PCDH15: variants seen among roughly 807,000 people sequenced by gnomAD.
PCDH15 encodes the protein protocadherin related 15.
A neutral mutation model predicts 178.5 loss-of-function variants in PCDH15; 129 were observed. That is an observed-to-expected ratio of 0.72 (90% CI 0.63 to 0.84). The LOEUF is 0.84. Among genes scored for constraint, PCDH15 ranks in the 40% least tolerant of loss-of-function variants. The pLI is 0.00. For synonymous variants in PCDH15, 800 were observed against 732.0 expected, an observed-to-expected ratio of 1.09 and a Z score of -1.50; for missense variants, 2,230 against 2,099.9, an observed-to-expected ratio of 1.06 and a Z score of -1.21.
At chr10:54,736,673 G>A (rs780765731) in intron 1 of PCDH15, among the ~76,000 whole-genome samples, 41 of 152,000 alleles carry the variant, frequency 2.7e-4, no homozygotes, top group Admixed American at 2.6e-4. Flanking sequence ...TAGTAGTTAC[G>A]TAGGTCTGAA....
chr10:55,148,562 C>T (rs1767409248), intron 2 of PCDH15, among the ~76,000 whole-genome samples: 1 of 151,740 alleles, frequency 6.6e-6, no homozygotes, highest in Admixed American at 6.6e-5. Context: ...ATGATTTCAT[C>T]GTGGCTGGTT....
At chr10:54,407,709 T>A (rs1170771563) in intron 3 of PCDH15, among the ~76,000 whole-genome samples, 1 of 152,086 alleles carries the variant, frequency 6.6e-6, no homozygotes, top group Non-Finnish European at 1.5e-5. Context: ...CGTGCTTCAC[T>A]ATTTTTTGCT....
intron 3 of PCDH15, among the ~76,000 whole-genome samples, chr10:54,502,291 C>G (rs2080767128): frequency 6.6e-6 from 1 of 152,092 alleles, no homozygotes; most frequent in African/African-American, 2.4e-5. Flanking sequence ...CATAAAGAGA[C>G]TATAATCAGT....
chr10:55,503,788 G>T (rs1840705241), intron 2 of PCDH15, among the ~76,000 whole-genome samples: 1 of 151,416 alleles, frequency 6.6e-6, no homozygotes. Flanking sequence ...TTGTCAAGGA[G>T]TAAAAGGAAT....
chr10:54,281,036 C>T lies in PCDH15; in HGVS notation c.876+36235G>A, dbSNP rs889706027. On this transcript the variant is annotated intron_variant, in intron 8 of 37. Transcript: ENST00000644397. ...ATACACAGAAATGTATATGTATACA[C>T]ACATATATATTCATAAATTATTGAA... 4.6e-5 allele frequency among the ~76,000 whole-genome samples: 7 copies of T among 151,896 alleles called. No individual in the cohort carries two copies. The South Asian group carries it at 1.5e-3, about 32-fold the overall frequency.
Position 55,196,919 on chromosome 10 carries a change from A to G in PCDH15, c.-155-30268T>C, listed in dbSNP as rs188620494. On this transcript the variant is annotated intron_variant, in intron 1 of 5. Transcript: ENST00000458638. Reference sequence around the variant, plus strand: ...CAAAAAAATACTGTGCCATGGTTATATTGGAGAAAGAATTTTTAAAAATTA... The same window carrying G: ...CAAAAAAATACTGTGCCATGGTTATGTTGGAGAAAGAATTTTTAAAAATTA... Among the ~76,000 whole-genome samples the G allele has an allele frequency of 1.7e-3, 261 of 152,154 alleles. 2 individuals carry two copies. The highest frequency in any genetic ancestry group is 5.9e-3 in the African/African-American group (243 of 41,516).
At chr10:53,964,380 A>ATTTATAAATTTTATTTATTCATAAAATT (rs56788445) in intron 21 of PCDH15, among the ~76,000 whole-genome samples, 60,804 of 116,930 alleles carry the variant, frequency 0.52, 20,197 homozygotes, top group East Asian at 0.7. Context: ...AAAAAAATTT[A>ATTTATAAATTTTATTTATTCATAAAATT]TTTATAAATT....
intron 2 of PCDH15, among the ~76,000 whole-genome samples, chr10:55,114,401 A>T (rs758163794): frequency 1.3e-5 from 2 of 152,196 alleles, no homozygotes; most frequent in Non-Finnish European, 2.9e-5. Context: ...ATATACCTAT[A>T]CTTCCAAAAA....
chr10:55,616,259 T>C (rs1455710243), intron 2 of PCDH15, among the ~76,000 whole-genome samples: 3 of 152,166 alleles, frequency 2.0e-5, no homozygotes, highest in Non-Finnish European at 2.9e-5. Flanking sequence ...GTAAATCTAA[T>C]TCAGCCTGAT....
At chr10:54,781,659 AATT>A in intron 1 of PCDH15, among the ~76,000 whole-genome samples, 1 of 152,274 alleles carries the variant, frequency 6.6e-6, no homozygotes. Context: ...TTTGAATAAA[AATT>A]ATTATTTTCT....
chr10:54,920,311 T>A (rs763489160), intron 2 of PCDH15, among the ~76,000 whole-genome samples: 3 of 151,382 alleles, frequency 2.0e-5, no homozygotes, highest in Non-Finnish European at 2.9e-5. Context: ...TCTACTAAAA[T>A]TGCAAAAAAT....
At chr10:54,881,097 G>T (rs1210168820) in intron 3 of PCDH15, among the ~76,000 whole-genome samples, 1 of 151,944 alleles carries the variant, frequency 6.6e-6, no homozygotes, top group Non-Finnish European at 1.5e-5. Flanking sequence ...CTTTTAAAGG[G>T]CACTTACAAA....
At chr10:54,207,902 T>G (rs1028935935) in intron 10 of PCDH15, among the ~76,000 whole-genome samples, 1 of 152,078 alleles carries the variant, frequency 6.6e-6, no homozygotes, top group African/African-American at 2.4e-5. Context: ...AAGGCTTTTC[T>G]TCATCATTAA....
At chr10:54,347,055 C>T (rs989642040) in intron 5 of PCDH15, among the ~76,000 whole-genome samples, 2 of 152,122 alleles carry the variant, frequency 1.3e-5, no homozygotes, top group African/African-American at 4.8e-5. Context: ...GAGATAGCAA[C>T]ATCTTTTCAT....
At chr10:54,738,826 C>T (rs994122606) in intron 1 of PCDH15, among the ~76,000 whole-genome samples, 8 of 151,824 alleles carry the variant, frequency 5.3e-5, no homozygotes, top group Admixed American at 5.3e-4. Context: ...CCATAAAATC[C>T]AACTTTCCTT....
intron 25 of PCDH15, among the ~76,000 whole-genome samples, chr10:53,909,787 G>A (rs1011507370): frequency 6.6e-6 from 1 of 152,206 alleles, no homozygotes; most frequent in Admixed American, 6.5e-5. Flanking sequence ...TCTGGTAAAT[G>A]GGGACAGTGC....
rs1237739799 is a variant in PCDH15, at chr10:55,463,913, GAA to G, written c.-156+163710_-156+163711del. Among the ~76,000 whole-genome samples, 3 of 20,712 alleles carry G rather than the reference GAA, an allele frequency of 1.4e-4. 1 individual carries two copies. Among genetic ancestry groups the G allele is most frequent in the African/African-American group, 5.7e-4 (1 of 1,752 alleles). The allele number at this position is 20,712 out of a possible 152,430, so 13.6% of individuals were successfully genotyped here. ...AGGGAGAGAGAGAGAAAGAAAGAAA[GAA>G]AGAAAGAAAGAAAGAAAGAAAGAAA... On this transcript the variant is annotated intron_variant, in intron 2 of 5. Transcript: ENST00000613346.
At chr10:53,881,256 T>C (rs971468910) in intron 26 of PCDH15, among the ~76,000 whole-genome samples, 3 of 151,996 alleles carry the variant, frequency 2.0e-5, no homozygotes, top group Non-Finnish European at 2.9e-5. Context: ...CTAAATAATG[T>C]GTACACCTGG....
At chr10:53,922,774 T>A (rs2133891551) in intron 25 of PCDH15, among the ~76,000 whole-genome samples, 1 of 152,252 alleles carries the variant, frequency 6.6e-6, no homozygotes, top group African/African-American at 2.4e-5. Flanking sequence ...GTATCCAACT[T>A]TCTTGTGTAT....
Sources: gnomAD v4.1 joint callset for allele counts (sites outside exome capture counted in the v4.1 genomes callset) on GRCh38, gnomAD v4.1.1 for gene constraint, MANE v1.5 for transcripts, NCBI Gene and HGNC (gene_info 2026-07-23, HGNC 2026-07-21) for gene names.